FLAD1: variants seen among roughly 807,000 people sequenced by gnomAD.
FLAD1 encodes the protein flavin adenine dinucleotide synthetase 1, also known as bifunctional FAD diphosphatase/FAD synthase.
Under a neutral mutation model 55.0 loss-of-function variants are expected in FLAD1, and 35 were observed. That is an observed-to-expected ratio of 0.64 (90% CI 0.49 to 0.84). The LOEUF (loss-of-function observed/expected upper bound fraction) is 0.84, where lower values mean the gene tolerates loss of function less well. FLAD1 is among the 40% of genes least tolerant of loss of function. FLAD1 has a pLI of 0.00. For synonymous variants in FLAD1, 267 were observed against 303.0 expected, an observed-to-expected ratio of 0.88 and a Z score of 1.23; for missense variants, 665 against 742.6, an observed-to-expected ratio of 0.90 and a Z score of 1.21.
intron 5 of FLAD1, among the ~76,000 whole-genome samples, chr1:154,991,450 G>T (rs190041237): frequency 9.2e-4 from 139 of 151,262 alleles, no homozygotes; most frequent in African/African-American, 3.1e-3. Context: ...AACTACTCAG[G>T]AGGCTGAGGT....
Position 154,983,406 on chromosome 1 carries a change from CTAAGAGG to C in FLAD1, c.-288_-282del. The C allele has an allele frequency of 3.1e-6, 1 of 323,650 alleles. No individual in the cohort carries two copies. The highest frequency in any genetic ancestry group is 5.7e-6 in the Non-Finnish European group (1 of 174,590). The allele number at this position is 323,650 out of a possible 1,614,324, so 20.0% of individuals were successfully genotyped here. On this transcript the variant is annotated 5_prime_UTR_variant, in exon 1 of 7. An upstream open reading frame in the 5' UTR gains an earlier in-frame stop. Coordinates refer to ENST00000292180, the MANE Select transcript of FLAD1 (RefSeq NM_025207.5). ...AGGGGCAGAACAGGCAGGTGAGAGT[CTAAGAGG>C]GCTCAGTAATCTGAAGCTTGGTGGG... is the stretch of plus-strand genomic sequence containing the variant.
intron 3 of FLAD1, 81 bp from the exon 4 acceptor site, chr1:154,990,078 C>A: frequency 8.8e-7 from 1 of 1,139,222 alleles, no homozygotes; most frequent in Non-Finnish European, 1.3e-6. Context: ...GTCCTAGGGG[C>A]CAACGAGAAC....
At chr1:154,991,572 TAC>T (rs980267601) in intron 5 of FLAD1, among the ~76,000 whole-genome samples, 3 of 151,324 alleles carry the variant, frequency 2.0e-5, no homozygotes, top group East Asian at 1.9e-4. Flanking sequence ...AAAAAAAAAA[TAC>T]AGTTATTCAG....
In FLAD1 at chr1:154,988,862, T is replaced by C. The variant is rs1657740059; in HGVS notation, c.1117+13T>C. ...CTCGCTGAATCAGGTAGGGACCTTA[T>C]GGAGGAGGGGCATTATGCCCAAAGC... On this transcript the variant is annotated intron_variant, in intron 2 of 6. Coordinates refer to ENST00000292180, the MANE Select transcript of FLAD1 (RefSeq NM_025207.5). The C allele has an allele frequency of 1.2e-6, 2 of 1,613,808 alleles. No individual in the cohort carries two copies. The highest frequency in any genetic ancestry group is 1.1e-5 in the South Asian group (1 of 91,086).
At chr1:154,989,146 G>A in intron 2 of FLAD1, 1 of 649,714 alleles carries the variant, frequency 1.5e-6, no homozygotes, top group Non-Finnish European at 2.6e-6. Flanking sequence ...GATGAAAGGA[G>A]TGATCTCCCA....
At chr1:154,986,017 G>C (rs955623296) in intron 1 of FLAD1, among the ~76,000 whole-genome samples, 1 of 130,776 alleles carries the variant, frequency 7.6e-6, no homozygotes, top group South Asian at 2.3e-4. Context: ...CACTGCGCCC[G>C]GCTGTGTGTG....
intron 1 of FLAD1, among the ~76,000 whole-genome samples, chr1:154,986,383 ATTT>A (rs1657607990): frequency 6.6e-6 from 1 of 151,936 alleles, no homozygotes; most frequent in Non-Finnish European, 1.5e-5. Context: ...CGACTGGCTA[ATTT>A]TTTGTATTTT....
chr1:154,988,825 G>A lies in FLAD1; in HGVS notation c.1093G>A (p.Ala365Thr). The change falls in exon 2 of 7, where the codon GCT (alanine) becomes ACT (threonine). Residue 365 changes from alanine to threonine, a missense_variant. Transcript: ENST00000292180. ...CAACGCTGTGGAGCAGGCCAGTGAGGCTGTATACAAACTCGCTGAATCAGG... is the reference window on the plus strand; with the variant it reads ...CAACGCTGTGGAGCAGGCCAGTGAGACTGTATACAAACTCGCTGAATCAGG... ...MPNAVEQASEAVYKLAESGSS... is the reference protein window; with the variant it reads ...MPNAVEQASETVYKLAESGSS... 3 of 1,614,206 alleles carry A rather than the reference G, an allele frequency of 1.9e-6. No individual in the cohort carries two copies. Among genetic ancestry groups the A allele is most frequent in the South Asian group, 1.1e-5 (1 of 91,082 alleles).
At chr1:154,990,019 G>A (rs1657793216) in intron 3 of FLAD1, 140 bp from the exon 4 acceptor site, 1 of 772,224 alleles carries the variant, frequency 1.3e-6, no homozygotes, top group Non-Finnish European at 2.2e-6. Flanking sequence ...AGAGGAAGTG[G>A]GTCTAATGGA....
chr1:154,985,389 C>G (rs1433988169), intron 1 of FLAD1, among the ~76,000 whole-genome samples: 1 of 150,012 alleles, frequency 6.7e-6, no homozygotes, highest in East Asian at 2.0e-4. Context: ...CCACTGCACT[C>G]AGCCTTAATA....
At position 154,993,096 on chromosome 1, in the gene FLAD1, C is replaced by T. The variant is rs1001586161; in HGVS notation, c.*59C>T. 4 of 1,522,176 alleles carry T rather than the reference C, an allele frequency of 2.6e-6. No homozygotes were observed. Among genetic ancestry groups the T allele is most frequent in the African/African-American group, 2.7e-5 (2 of 72,880 alleles). 94.3% of individuals were successfully genotyped at this position (1,522,176 alleles called of 1,614,324 possible). A position where few individuals can be genotyped will look rare whatever the true frequency, so the allele number is the denominator to read the frequency against. On this transcript the variant is annotated 3_prime_UTR_variant, in exon 7 of 7. Coordinates refer to ENST00000292180, the MANE Select transcript of FLAD1 (RefSeq NM_025207.5). ...CCTAGGGTATAACCTGGCAATAAACCGTGCCTCTCACTGTGCCTGTTGCTC... is the reference window on the plus strand; with the variant it reads ...CCTAGGGTATAACCTGGCAATAAACTGTGCCTCTCACTGTGCCTGTTGCTC...
intron 1 of FLAD1, chr1:154,987,704 A>G (rs1657681947): frequency 3.4e-6 from 1 of 291,992 alleles, no homozygotes; most frequent in African/African-American, 2.2e-5. Context: ...TGGGAGGCTG[A>G]GGCAGGAGGA....
chr1:154,983,427 A>G lies in FLAD1; in HGVS notation c.-268A>G. 1 of 368,668 alleles carries G rather than the reference A, an allele frequency of 2.7e-6. No homozygotes were observed. The highest frequency in any genetic ancestry group is 4.2e-5 in the East Asian group (1 of 23,748). 22.8% of individuals were successfully genotyped at this position (368,668 alleles called of 1,614,324 possible). A position where few individuals can be genotyped will look rare whatever the true frequency, so the allele number is the denominator to read the frequency against. On this transcript the variant is annotated 5_prime_UTR_variant, in exon 1 of 7. Coordinates refer to ENST00000292180, the MANE Select transcript of FLAD1 (RefSeq NM_025207.5). ...GAGTCTAAGAGGGCTCAGTAATCTG[A>G]AGCTTGGTGGGAAGAAGGGATTCTG...
chr1:154,987,267 G>A (rs557261359), intron 1 of FLAD1, among the ~76,000 whole-genome samples: 8 of 151,802 alleles, frequency 5.3e-5, no homozygotes, highest in African/African-American at 1.2e-4. Context: ...GAGCTCAAGC[G>A]AGCCACCCCA....
chr1:154,985,952 C>T (rs1333936306), intron 1 of FLAD1, among the ~76,000 whole-genome samples: 1 of 151,320 alleles, frequency 6.6e-6, no homozygotes, highest in Non-Finnish European at 1.5e-5. Context: ...TCTCGAACTC[C>T]TGACCTCAGG....
chr1:154,993,010 A>G lies in FLAD1; in HGVS notation c.1737A>G (p.Glu579=), dbSNP rs200244571. Residue 579 remains glutamate, a synonymous_variant, in exon 7 of 7, where the codon GAA becomes GAG. Transcript: ENST00000292180. ...GTCCAGCCTATCTACTGGAGAACGA[A>G]GAAGAGGAGCGGAACTCCCGCACAT... ...TYRPAYLLEN[E]EEERNSRT is the part of the protein sequence containing the mutation. 5 of 1,613,956 alleles carry G rather than the reference A, an allele frequency of 3.1e-6. No individual in the cohort carries two copies. Among genetic ancestry groups the G allele is most frequent in the Non-Finnish European group, 4.2e-6 (5 of 1,179,994 alleles).
intron 3 of FLAD1, 76 bp downstream of exon 3, chr1:154,989,783 G>T: frequency 7.0e-7 from 1 of 1,427,256 alleles, no homozygotes. Context: ...GGAGAAAGGG[G>T]GTGTACAGGT....
At chr1:154,989,422 G>A (rs1657765936) in intron 2 of FLAD1, 138 bp from the exon 3 acceptor site, 6 of 855,680 alleles carry the variant, frequency 7.0e-6, no homozygotes, top group Non-Finnish European at 1.0e-5. Context: ...GGCCTAGCGG[G>A]CAGCATGAAG....
chr1:154,988,082 T>A (rs1657695643), intron 1 of FLAD1, 23 bp from the exon 2 acceptor site: 1 of 1,614,148 alleles, frequency 6.2e-7, no homozygotes, highest in Non-Finnish European at 8.5e-7. Flanking sequence ...ACTGATGGCC[T>A]CATCTTCCCC....
Sources: allele counts gnomAD v4.1 joint callset (sites outside exome capture counted in the v4.1 genomes callset), GRCh38; gene constraint gnomAD v4.1.1; transcripts MANE v1.5; gene names NCBI Gene and HGNC (gene_info 2026-07-23, HGNC 2026-07-21).